Variants in MROH1 observed in about 807,000 individuals in gnomAD.
The protein encoded by MROH1 is maestro heat-like repeat-containing protein family member 1.
In MROH1, 117 loss-of-function variants were observed where a neutral mutation model predicts 116.5. The ratio of observed to expected loss-of-function variants is 1.00; its 90% CI spans 0.86 to 1.17. The LOEUF is 1.17. MROH1 is among the 50% of genes most tolerant of loss of function. The pLI is 0.00. For synonymous variants in MROH1, 921 were observed against 583.9 expected (o/e 1.58, Z -8.32); for missense variants, 1,873 against 1,338.5 (o/e 1.40, Z -6.23).
chr8:144,177,548 G>T (rs1056013124), intron 4 of MROH1, among the ~76,000 whole-genome samples: 2 of 152,188 alleles, frequency 1.3e-5, no homozygotes, highest in Non-Finnish European at 2.9e-5. Context: ...TCCACCTGCC[G>T]TGGCGGCCAT....
chr8:144,200,004 T>C (rs985159864), intron 11 of MROH1, among the ~76,000 whole-genome samples: 1 of 152,168 alleles, frequency 6.6e-6, no homozygotes, highest in African/African-American at 2.4e-5. Context: ...GCCAGAGGGC[T>C]CCTGGAGCTT....
Position 144,216,684 on chromosome 8 carries a change from CTT to C in MROH1, c.1142-3894_1142-3893del, listed in dbSNP as rs71320815. ...TAATGGTATGTCATATTTTTTACTG[CTT>C]TTTTTTTTTTTTTTTTTTTTTGAAA... is the stretch of plus-strand genomic sequence containing the variant. On this transcript the variant is annotated intron_variant, in intron 12 of 43. Coordinates refer to ENST00000326134, the MANE Select transcript of MROH1 (RefSeq NM_032450.3). Among the ~76,000 whole-genome samples, 496 of 142,702 alleles carry C rather than the reference CTT, an allele frequency of 3.5e-3. 2 individuals are homozygous for C. Among genetic ancestry groups the C allele is most frequent in the African/African-American group, 0.013 (473 of 35,304 alleles). 93.6% of individuals were successfully genotyped at this position (142,702 alleles called of 152,430 possible). A position where few individuals can be genotyped will look rare whatever the true frequency, so the allele number is the denominator to read the frequency against.
chr8:144,244,551 G>C lies in MROH1; in HGVS notation c.2766+12G>C. The C allele has an allele frequency of 2.7e-6, 2 of 747,552 alleles. No individual in the cohort carries two copies. The highest frequency in any genetic ancestry group is 5.0e-6 in the Non-Finnish European group (2 of 401,182). The allele number at this position is 747,552 out of a possible 1,614,324, so 46.3% of individuals were successfully genotyped here. A position where few individuals can be genotyped will look rare whatever the true frequency, so the allele number is the denominator to read the frequency against. On this transcript the variant is annotated intron_variant, in intron 28 of 43. Coordinates refer to ENST00000326134, the MANE Select transcript of MROH1 (RefSeq NM_032450.3). ...AGATCATGATTGAGGTGTGCAGGGG[G>C]GAACTGTCATGGGGATGGGGATGGG... is the stretch of plus-strand genomic sequence containing the variant.
At chr8:144,246,091 T>TTTCCTTCC in intron 29 of MROH1, among the ~76,000 whole-genome samples, 1 of 126,896 alleles carries the variant, frequency 7.9e-6, no homozygotes, top group African/African-American at 3.0e-5. Context: ...CTTTCCTTCC[T>TTTCCTTCC]TTCCTTCCTT....
intron 26 of MROH1, 37 bp from the exon 27 acceptor site, chr8:144,244,185 T>C: frequency 1.4e-6 from 1 of 715,126 alleles, no homozygotes; most frequent in Admixed American, 2.0e-5. Context: ...GTTTCAGCCT[T>C]AGGATCATTG....
intron 12 of MROH1, among the ~76,000 whole-genome samples, chr8:144,206,722 C>T (rs1212524229): frequency 2.0e-5 from 3 of 150,916 alleles, no homozygotes; most frequent in African/African-American, 7.3e-5. Context: ...CCGTGCCTGG[C>T]CTTTTTTCTC....
At chr8:144,226,481 C>A (rs756208271) in intron 14 of MROH1, among the ~76,000 whole-genome samples, 1 of 152,114 alleles carries the variant, frequency 6.6e-6, no homozygotes, top group Non-Finnish European at 1.5e-5. Context: ...GAGACGGAGT[C>A]TTGCTCTATT....
intron 4 of MROH1, among the ~76,000 whole-genome samples, chr8:144,172,942 A>T (rs192776899): frequency 3.3e-5 from 5 of 152,224 alleles, no homozygotes; most frequent in Admixed American, 2.0e-4. Context: ...TCATAGTGGC[A>T]CAGAATAAAC....
intron 10 of MROH1, among the ~76,000 whole-genome samples, chr8:144,194,093 G>A (rs372437779): frequency 8.5e-4 from 129 of 152,068 alleles, no homozygotes; most frequent in African/African-American, 2.3e-3. Flanking sequence ...ATGGAGTTTC[G>A]CTCTTGTTGC....
chr8:144,255,547 A>G lies in MROH1; in HGVS notation c.3633A>G (p.Ala1211=). 1 of 779,248 alleles carries G rather than the reference A, an allele frequency of 1.3e-6. No homozygotes were observed. Among genetic ancestry groups the G allele is most frequent in the Non-Finnish European group, 2.4e-6 (1 of 417,764 alleles). 48.3% of individuals were successfully genotyped at this position (779,248 alleles called of 1,614,324 possible). A position where few individuals can be genotyped will look rare whatever the true frequency, so the allele number is the denominator to read the frequency against. The stretch of plus-strand genomic sequence containing the variant: ...TGTTTGAGGTCATGTCCACGCCTGC[A>G]GCGGGGCCCGCGGTGCTCGAGCTCT... ...CALFEVMSTP[A]AGPAVLELYP... The change falls in exon 35 of 44, where the codon GCA becomes GCG. Residue 1211 remains alanine (A), a synonymous_variant. Coordinates refer to ENST00000326134, the MANE Select transcript of MROH1 (RefSeq NM_032450.3).
chr8:144,210,425 C>T (rs922987518), intron 12 of MROH1, among the ~76,000 whole-genome samples: 4 of 152,032 alleles, frequency 2.6e-5, no homozygotes, highest in African/African-American at 9.7e-5. Flanking sequence ...TGTGCGGTGG[C>T]TCACACCTGT....
intron 12 of MROH1, among the ~76,000 whole-genome samples, chr8:144,208,786 C>T (rs1175180599): frequency 6.6e-6 from 1 of 151,780 alleles, no homozygotes; most frequent in Admixed American, 6.6e-5. Flanking sequence ...TACAGTGGCG[C>T]GACCTTGGCT....
intron 3 of MROH1, among the ~76,000 whole-genome samples, chr8:144,164,694 G>A (rs371581361): frequency 3.3e-5 from 5 of 151,636 alleles, no homozygotes; most frequent in South Asian, 4.2e-4. Context: ...CACTGCGCCC[G>A]GCCTGGACTG....
At chr8:144,211,805 T>C (rs1349885010) in intron 12 of MROH1, among the ~76,000 whole-genome samples, 3 of 152,128 alleles carry the variant, frequency 2.0e-5, no homozygotes, top group Non-Finnish European at 4.4e-5. Flanking sequence ...TTCAAGGTAG[T>C]GGATTGGTTT....
chr8:144,179,923 TC>T (rs1825125455), intron 5 of MROH1, among the ~76,000 whole-genome samples: 5 of 148,888 alleles, frequency 3.4e-5, no homozygotes, highest in Non-Finnish European at 7.5e-5. Flanking sequence ...TGCAGCCCCC[TC>T]TCACCAGGGC....
intron 12 of MROH1, among the ~76,000 whole-genome samples, chr8:144,210,672 G>A (rs2132099373): frequency 7.2e-6 from 1 of 138,092 alleles, no homozygotes. Flanking sequence ...CTGGGTGACA[G>A]ATGGAGACTC....
Position 144,238,744 on chromosome 8 carries a change from G to A in MROH1, c.1339-12G>A. 1 of 770,302 alleles carries A rather than the reference G, an allele frequency of 1.3e-6. No homozygotes were observed. The highest frequency in any genetic ancestry group is 2.4e-6 in the Non-Finnish European group (1 of 417,648). The allele number at this position is 770,302 out of a possible 1,614,324, so 47.7% of individuals were successfully genotyped here. A position where few individuals can be genotyped will look rare whatever the true frequency, so the allele number is the denominator to read the frequency against. The stretch of plus-strand genomic sequence containing the variant: ...CCGCCCACGCACGCCTTTGCCTTTT[G>A]CCTTCCTCCAGCCTGAGAAGCCAGG... On this transcript the variant is annotated splice_polypyrimidine_tract_variant and intron_variant, in intron 14 of 43. Transcript: ENST00000326134.
intron 14 of MROH1, among the ~76,000 whole-genome samples, chr8:144,230,125 G>C (rs983254688): frequency 1.3e-5 from 2 of 152,086 alleles, no homozygotes; most frequent in Non-Finnish European, 2.9e-5. Context: ...GCTGCACCTT[G>C]GTATTTTTGT....
intron 14 of MROH1, among the ~76,000 whole-genome samples, chr8:144,227,520 C>T (rs533786066): frequency 3.9e-5 from 6 of 152,260 alleles, no homozygotes; most frequent in African/African-American, 1.4e-4. Flanking sequence ...TGGCACATAC[C>T]TGTAGTCCCA....
Sources: allele counts gnomAD v4.1 joint callset (sites outside exome capture counted in the v4.1 genomes callset), GRCh38; gene constraint gnomAD v4.1.1; transcripts MANE v1.5; gene names NCBI Gene and HGNC (gene_info 2026-07-23, HGNC 2026-07-21).